The following TLN1 variants were observed in gnomAD, a reference collection of about 807,000 sequenced individuals.
TLN1 encodes the protein talin 1.
TLN1 carries 56 observed loss-of-function variants against 292.3 expected under a neutral mutation model. The observed-to-expected ratio is 0.19, with a 90% confidence interval of 0.15 to 0.24. TLN1 has a LOEUF of 0.24. Ranked by LOEUF, TLN1 falls within the 10% of genes least tolerant of loss-of-function variation. TLN1 has a pLI of 1.00. For missense variants in TLN1, 2,433 were observed against 3,248.2 expected, an observed-to-expected ratio of 0.75 and a Z score of 6.10; for synonymous variants, 1,119 against 1,253.7, an observed-to-expected ratio of 0.89 and a Z score of 2.27.
chr9:35,707,761 G>T lies in TLN1; in HGVS notation c.4602C>A (p.Asn1534Lys). 8 of 1,614,212 alleles carry T rather than the reference G, an allele frequency of 5.0e-6. No individual in the cohort carries two copies. Among genetic ancestry groups the T allele is most frequent in the Non-Finnish European group, 6.8e-6 (8 of 1,180,034 alleles). Residue 1534 changes from asparagine (N) to lysine (K), a missense_variant, in exon 35 of 57, where the codon AAC becomes AAA. This residue lies in a region of TLN1 where 1,384 missense variants were observed against 1,699.6 expected (regional missense o/e 0.81). Coordinates refer to ENST00000314888, the MANE Select transcript of TLN1 (RefSeq NM_006289.4). This position sits in a 1 kb window ranked among gnomAD's most constrained non-coding sequence, Gnocchi z 5.6. ...QFVQSAKEVA[N>K]STANLVKTIK... The stretch of plus-strand genomic sequence containing the variant: ...TGGTCTTGACAAGATTAGCTGTGCT[G>T]TTGGCCACCTCCTTGGCTGACTGTA...
At position 35,707,695 on chromosome 9, in the gene TLN1, G is replaced by A; in HGVS notation, c.4632+36C>T. 6.2e-7 allele frequency: 1 copy of A among 1,613,774 alleles called. No individual in the cohort carries two copies. Among genetic ancestry groups the A allele is most frequent in the Non-Finnish European group, 8.5e-7 (1 of 1,179,780 alleles). ...GGGACTCGGGGGAGAAGATAGGACA[G>A]GTCAGGGAGAGGCTGGGAATTCAAG... On this transcript the variant is annotated intron_variant, in intron 35 of 56. Coordinates refer to ENST00000314888, the MANE Select transcript of TLN1 (RefSeq NM_006289.4). This position sits in a 1 kb window ranked among gnomAD's most constrained non-coding sequence, Gnocchi z 5.6.
intron 1 of TLN1, among the ~76,000 whole-genome samples, chr9:35,727,260 G>A (rs757101225): frequency 6.6e-6 from 1 of 152,206 alleles, no homozygotes; most frequent in Non-Finnish European, 1.5e-5. Context: ...GGGTGAGAGG[G>A]GAAGGCTGGA....
rs1483344662 is a variant in TLN1, at chr9:35,714,107, G to A, written c.3121-26C>T. 14 of 1,612,856 alleles carry A rather than the reference G, an allele frequency of 8.7e-6. No individual in the cohort carries two copies. The South Asian group carries it at 1.2e-4, about 14-fold the overall frequency. On this transcript the variant is annotated intron_variant, in intron 24 of 56. Transcript: ENST00000314888. This position sits in a 1 kb window ranked among gnomAD's most constrained non-coding sequence, Gnocchi z 4.6. ...CTATGATAAGAAAGGGGTTTTGGGT[G>A]TAGAAGGTCCTGCTGTGTCTCACCA...
At chr9:35,709,352 A>C (rs1825619945) in intron 33 of TLN1, among the ~76,000 whole-genome samples, 1 of 152,204 alleles carries the variant, frequency 6.6e-6, no homozygotes, top group Non-Finnish European at 1.5e-5. Flanking sequence ...CAAGCCATCT[A>C]GAGCAAGGCG....
chr9:35,719,802 C>G lies in TLN1; in HGVS notation c.1516G>C (p.Val506Leu). 1 of 1,602,656 alleles carries G rather than the reference C, an allele frequency of 6.2e-7. No homozygotes were observed. The highest frequency in any genetic ancestry group is 8.5e-7 in the Non-Finnish European group (1 of 1,174,380). ...TGTINSSMQA[V>L]QAAQATLDDF... ...TCCAGGGTGGCCTGGGCAGCCTGCA[C>G]GGCCTGCATGCTGGAGTTAATGGTT... The change falls in exon 14 of 57, where the codon GTG (valine) becomes CTG (leucine). Residue 506 changes from valine (V) to leucine (L), a missense_variant. Around this residue, in one of 7 missense-constraint regions of TLN1, gnomAD observed 617 missense variants for 770.6 expected, o/e 0.80. Coordinates refer to ENST00000314888, the MANE Select transcript of TLN1 (RefSeq NM_006289.4). This position sits in a 1 kb window ranked among gnomAD's most constrained non-coding sequence, Gnocchi z 4.6.
In TLN1 at chr9:35,724,406, G is replaced by A; in HGVS notation, c.512-72C>T. The A allele has an allele frequency of 6.3e-7, 1 of 1,595,562 alleles. No individual in the cohort carries two copies. The highest frequency in any genetic ancestry group is 1.3e-5 in the African/African-American group (1 of 74,468). On this transcript the variant is annotated intron_variant, in intron 5 of 56. Transcript: ENST00000314888. This position sits in a 1 kb window ranked among gnomAD's most constrained non-coding sequence, Gnocchi z 4.7. ...TGCTGTCTGGTCTCTGTTTATTTCT[G>A]CATTTCCTACCTCCCCTCACTTAAA...
At position 35,721,640 on chromosome 9, in the gene TLN1, A is replaced by G. The variant is rs767024216; in HGVS notation, c.1104+8T>C. The G allele has an allele frequency of 1.2e-6, 2 of 1,610,890 alleles. No individual in the cohort carries two copies. The highest frequency in any genetic ancestry group is 1.7e-6 in the Non-Finnish European group (2 of 1,177,232). On this transcript the variant is annotated splice_region_variant and intron_variant, in intron 10 of 56. Transcript: ENST00000314888. Reference sequence around the variant, plus strand: ...AAAGCACTTTCTTGTTATAGTCCCCAGACTTACCAGGGTGAAGCTTTTGGG... The same window carrying G: ...AAAGCACTTTCTTGTTATAGTCCCCGGACTTACCAGGGTGAAGCTTTTGGG...
Position 35,706,172 on chromosome 9 carries a change from C to G in TLN1, c.5361+24G>C. 1 of 1,610,492 alleles carries G rather than the reference C, an allele frequency of 6.2e-7. No individual in the cohort carries two copies. Among genetic ancestry groups the G allele is most frequent in the Non-Finnish European group, 8.5e-7 (1 of 1,177,890 alleles). ...TTCTCCAGCCTCCTGCTAGTAACAGCTCCTCCCTCCCAACCCTCAATACCT... is the reference window on the plus strand; with the variant it reads ...TTCTCCAGCCTCCTGCTAGTAACAGGTCCTCCCTCCCAACCCTCAATACCT... On this transcript the variant is annotated intron_variant, in intron 40 of 56. Coordinates refer to ENST00000314888, the MANE Select transcript of TLN1 (RefSeq NM_006289.4). This position sits in a 1 kb window ranked among gnomAD's most constrained non-coding sequence, Gnocchi z 4.2.
At position 35,707,036 on chromosome 9, in the gene TLN1, GC is replaced by G. The variant is rs1256690776; in HGVS notation, c.4955+35del. 3.7e-6 allele frequency: 6 copies of G among 1,608,500 alleles called. No individual in the cohort carries two copies. Among genetic ancestry groups the G allele is most frequent in the Non-Finnish European group, 4.2e-6 (5 of 1,178,516 alleles). On this transcript the variant is annotated intron_variant, in intron 37 of 56. Transcript: ENST00000314888. The surrounding 1 kb of genome is among the most constrained non-coding windows in gnomAD (Gnocchi z 5.6). ...CATCCTCCATTCTGCCACAATGTAT[GC>G]CCCCCAGCCACACTGGTTCCCCATC...
chr9:35,706,990 A>C lies in TLN1; in HGVS notation c.4955+82T>G. On this transcript the variant is annotated intron_variant, in intron 37 of 56. Coordinates refer to ENST00000314888, the MANE Select transcript of TLN1 (RefSeq NM_006289.4). The surrounding 1 kb of genome is among the most constrained non-coding windows in gnomAD (Gnocchi z 4.2). ...CCCTGTATCCTCCCAACACCATCCC[A>C]TCTCATTGCACTCAAGTGCCCATCC... The C allele has an allele frequency of 6.2e-7, 1 of 1,607,562 alleles. No homozygotes were observed. Among genetic ancestry groups the C allele is most frequent in the Non-Finnish European group, 8.5e-7 (1 of 1,177,800 alleles).
intron 33 of TLN1, among the ~76,000 whole-genome samples, chr9:35,709,095 C>A (rs1825614476): frequency 6.6e-6 from 1 of 152,162 alleles, no homozygotes; most frequent in Non-Finnish European, 1.5e-5. Flanking sequence ...AAAAACCAAA[C>A]AAACAACAAA....
rs748628195 is a variant in TLN1 at position 35,724,891 on chromosome 9, C to T, written c.297G>A (p.Thr99=). 3.7e-6 allele frequency: 6 copies of T among 1,614,178 alleles called. No individual in the cohort carries two copies. The highest frequency in any genetic ancestry group is 1.1e-5 in the South Asian group (1 of 91,082). Residue 99 remains threonine (T), a synonymous_variant, in exon 4 of 57, where the codon ACG becomes ACA. Coordinates refer to ENST00000314888, the MANE Select transcript of TLN1 (RefSeq NM_006289.4). The surrounding 1 kb of genome is among the most constrained non-coding windows in gnomAD (Gnocchi z 4.7). ...CAGTCTTAGAGTCATCCACCATGAT[C>T]GTCTTCACAGTTCCATCCAGCATAC... ...KIRMLDGTVK[T]IMVDDSKTVT... is the part of the protein sequence containing the mutation.
intron 10 of TLN1, 41 bp from the exon 11 acceptor site, chr9:35,720,954 C>A: frequency 6.6e-7 from 1 of 1,522,026 alleles, no homozygotes; most frequent in Non-Finnish European, 9.1e-7. Flanking sequence ...AAGCTCAAAT[C>A]TATCCAGGAT....
chr9:35,704,442 G>A lies in TLN1; in HGVS notation c.5937C>T (p.Ile1979=), dbSNP rs904487399. 6 of 1,614,132 alleles carry A rather than the reference G, an allele frequency of 3.7e-6. No homozygotes were observed. The highest frequency in any genetic ancestry group is 2.7e-5 in the African/African-American group (2 of 75,076). The part of the protein sequence containing the change: ...QAGNRGTQAC[I]TAASAVSGII... Reference sequence around the variant, plus strand: ...TACCAGACACAGCGCTGGCTGCTGTGATGCAGGCCTGGGTGCCACGATTCC... The same window carrying A: ...TACCAGACACAGCGCTGGCTGCTGTAATGCAGGCCTGGGTGCCACGATTCC... The change falls in exon 45 of 57, where the codon ATC becomes ATT. Residue 1979 remains isoleucine (I), a synonymous_variant. Transcript: ENST00000314888. The surrounding 1 kb of genome is among the most constrained non-coding windows in gnomAD (Gnocchi z 6.9).
At position 35,720,799 on chromosome 9, in the gene TLN1, AG is replaced by A. The variant is rs749341638; in HGVS notation, c.1206+12del. ...GAGGCGATAAGGAGAAGGCTAGGGC[AG>A]GCAGTGCTCACCTTCTTCAGGATGA... On this transcript the variant is annotated intron_variant, in intron 11 of 56. Coordinates refer to ENST00000314888, the MANE Select transcript of TLN1 (RefSeq NM_006289.4). The A allele has an allele frequency of 2.1e-4, 339 of 1,610,062 alleles. No homozygotes were observed. Among genetic ancestry groups the A allele is most frequent in the Non-Finnish European group, 2.8e-4 (334 of 1,176,410 alleles).
intron 48 of TLN1, 145 bp downstream of exon 48, chr9:35,703,415 C>A (rs1451282761): frequency 9.5e-6 from 7 of 739,580 alleles, no homozygotes; most frequent in African/African-American, 8.8e-5. Flanking sequence ...CAGAGCAAGA[C>A]CCTTCTCAAA....
intron 20 of TLN1, among the ~76,000 whole-genome samples, chr9:35,715,391 T>C (rs1280624864): frequency 6.6e-6 from 1 of 152,262 alleles, no homozygotes; most frequent in African/African-American, 2.4e-5. Flanking sequence ...GGATTCCCAC[T>C]GGATGCTGAA....
At position 35,718,877 on chromosome 9, in the gene TLN1, C is replaced by G; in HGVS notation, c.1930G>C (p.Val644Leu). The G allele has an allele frequency of 6.2e-7, 1 of 1,613,502 alleles. No individual in the cohort carries two copies. The highest frequency in any genetic ancestry group is 1.1e-5 in the South Asian group (1 of 90,912). The stretch of plus-strand genomic sequence containing the variant: ...AACAGCTCCCCACTGGCCTGGCCCA[C>G]GTTCCCAGCTGCTTGCAGCAGGTTC... Reference protein sequence around the residue: ...RQNLLQAAGNVGQASGELLQQ... With the variant: ...RQNLLQAAGNLGQASGELLQQ... The change falls in exon 17 of 57, where the codon GTG becomes CTG. Residue 644 changes from valine (V) to leucine (L), a missense_variant. By Grantham distance (32) the Val-to-Leu change is conservative (BLOSUM62 1). This residue lies in a region of TLN1 where 617 missense variants were observed against 770.6 expected (regional missense o/e 0.80). Coordinates refer to ENST00000314888, the MANE Select transcript of TLN1 (RefSeq NM_006289.4).
Position 35,704,212 on chromosome 9 carries a change from C to G in TLN1, c.6048-38G>C. ...CCAGCTTAGTCAGATCTCCCCTACC[C>G]GCTCCAGCCCGTCCAAGGTGCCTGG... On this transcript the variant is annotated intron_variant, in intron 45 of 56. Coordinates refer to ENST00000314888, the MANE Select transcript of TLN1 (RefSeq NM_006289.4). The surrounding 1 kb of genome is among the most constrained non-coding windows in gnomAD (Gnocchi z 6.9). 1 of 1,569,278 alleles carries G rather than the reference C, an allele frequency of 6.4e-7. No homozygotes were observed. Among genetic ancestry groups the G allele is most frequent in the Non-Finnish European group, 8.6e-7 (1 of 1,156,432 alleles).
Sources: allele counts gnomAD v4.1 joint callset (sites outside exome capture counted in the v4.1 genomes callset), GRCh38; gene constraint gnomAD v4.1.1; regional missense constraint gnomAD v4.1.1; non-coding constraint Gnocchi (gnomAD v3.1); transcripts MANE v1.5; gene names NCBI Gene and HGNC (gene_info 2026-07-23, HGNC 2026-07-21).